The following COL6A6 variants were observed in gnomAD, a reference collection of about 807,000 sequenced individuals.
COL6A6 encodes the protein collagen alpha-6(VI) chain.
Under a neutral mutation model 208.6 loss-of-function variants are expected in COL6A6, and 183 were observed. That is an observed-to-expected ratio of 0.88 (90% CI 0.78 to 0.99). The LOEUF is 0.99. Ranked by LOEUF, COL6A6 falls within the 50% of genes least tolerant of loss-of-function variation. The pLI is 0.00. For synonymous variants in COL6A6, 973 were observed against 1,011.8 expected (o/e 0.96, Z 0.73); for missense variants, 2,816 against 2,815.2 (o/e 1.00, Z -0.01).
Position 130,649,573 on chromosome 3 carries a change from GA to G in COL6A6, c.5733+14del. On this transcript the variant is annotated intron_variant, in intron 33 of 36. Coordinates refer to ENST00000358511, the MANE Select transcript of COL6A6 (RefSeq NM_001102608.3). Reference sequence around the variant, plus strand: ...AGGCGCGCATTTGCGGTATGAGGATGAAACCTTTCACATGACAATTCTTACT... The same window carrying G: ...AGGCGCGCATTTGCGGTATGAGGATGAACCTTTCACATGACAATTCTTACT... The G allele has an allele frequency of 1.3e-6, 2 of 1,557,486 alleles. No homozygotes were observed. Among genetic ancestry groups the G allele is most frequent in the Non-Finnish European group, 1.7e-6 (2 of 1,151,790 alleles).
chr3:130,583,340 A>T (rs2063466211), intron 10 of COL6A6, among the ~76,000 whole-genome samples: 3 of 152,124 alleles, frequency 2.0e-5, no homozygotes, highest in Non-Finnish European at 1.5e-5. Context: ...AGACTGAAAA[A>T]AGATACTAGA....
In COL6A6 at chr3:130,567,163, G is replaced by T. The variant is rs574954880; in HGVS notation, c.1744G>T (p.Glu582Ter). 58 of 1,613,866 alleles carry T rather than the reference G, an allele frequency of 3.6e-5. No individual in the cohort carries two copies. The South Asian group carries it at 4.6e-4, about 13-fold the overall frequency. Reference sequence around the variant, plus strand: ...GGAGGCCAACCAAACACAGCTGAGAGAAATTGCAGGAGAGGAAAAGAGAGT... The same window carrying T: ...GGAGGCCAACCAAACACAGCTGAGATAAATTGCAGGAGAGGAAAAGAGAGT... ...IKEANQTQLR[E>*]IAGEEKRVYY... Residue 582 changes from glutamate to a stop codon, truncating the protein, a stop_gained, in exon 5 of 37, where the codon GAA (glutamate) becomes TAA (stop). Transcript: ENST00000358511. LOFTEE classifies it high-confidence loss of function.
rs1245145462 is a variant in COL6A6, at chr3:130,566,792, T to A, written c.1373T>A (p.Phe458Tyr). 6.2e-6 allele frequency: 10 copies of A among 1,614,028 alleles called. No individual in the cohort carries two copies. Among genetic ancestry groups the A allele is most frequent in the Non-Finnish European group, 8.5e-6 (10 of 1,179,902 alleles). The change falls in exon 5 of 37, where the codon TTC becomes TAC. Residue 458 changes from phenylalanine (F) to tyrosine (Y), a missense_variant. Phe to Tyr is a conservative substitution (Grantham distance 22, BLOSUM62 3). Coordinates refer to ENST00000358511, the MANE Select transcript of COL6A6 (RefSeq NM_001102608.3). ...QATDFHEMKT[F>Y]LSEVVGMFNI... ...ACAGATTTCCATGAAATGAAGACGT[T>A]CCTGTCAGAGGTGGTAGGGATGTTC...
chr3:130,554,276 G>T (rs1229717117), intron 1 of COL6A6, among the ~76,000 whole-genome samples: 1 of 152,254 alleles, frequency 6.6e-6, no homozygotes, highest in Non-Finnish European at 1.5e-5. Context: ...GGCAGCACAA[G>T]ATGGAGTGGG....
At chr3:130,669,145 A>G (rs988187797) in intron 36 of COL6A6, among the ~76,000 whole-genome samples, 5 of 152,230 alleles carry the variant, frequency 3.3e-5, no homozygotes, top group African/African-American at 9.6e-5. Flanking sequence ...CTCTAATCCC[A>G]GCACTCTGGG....
chr3:130,542,616 G>A (rs993095039), intron 1 of COL6A6, among the ~76,000 whole-genome samples: 1 of 152,108 alleles, frequency 6.6e-6, no homozygotes, highest in Non-Finnish European at 1.5e-5. Flanking sequence ...TTCTGATAGA[G>A]GGGTATTGAA....
At chr3:130,518,260 G>T (rs1021692146) in intron 1 of COL6A6, among the ~76,000 whole-genome samples, 1 of 152,078 alleles carries the variant, frequency 6.6e-6, no homozygotes, top group Non-Finnish European at 1.5e-5. Context: ...TAACACTTGT[G>T]GCAGGAAGGA....
intron 1 of COL6A6, among the ~76,000 whole-genome samples, chr3:130,536,885 C>A (rs1358893002): frequency 6.6e-6 from 1 of 152,170 alleles, no homozygotes; most frequent in Non-Finnish European, 1.5e-5. Flanking sequence ...AATTAGAAAG[C>A]TTTTGCTAGA....
Position 130,676,245 on chromosome 3 carries a change from T to C in COL6A6, c.*848T>C, listed in dbSNP as rs1367991179. 1 of 152,174 alleles carries C rather than the reference T, an allele frequency of 6.6e-6. No homozygotes were observed. The highest frequency in any genetic ancestry group is 2.4e-5 in the African/African-American group (1 of 41,438). The allele number at this position is 152,174 out of a possible 1,614,324, so 9.4% of individuals were successfully genotyped here. On this transcript the variant is annotated 3_prime_UTR_variant, in exon 37 of 37. Coordinates refer to ENST00000358511, the MANE Select transcript of COL6A6 (RefSeq NM_001102608.3). ...CATCAGGTAGCTGTTTAGTCAATAA[T>C]AAACAGCACCAAAACAGGATTAGCA... is the stretch of plus-strand genomic sequence containing the variant.
At chr3:130,641,367 GA>G (rs1430229018) in intron 28 of COL6A6, among the ~76,000 whole-genome samples, 1 of 152,126 alleles carries the variant, frequency 6.6e-6, no homozygotes, top group Non-Finnish European at 1.5e-5. Flanking sequence ...AGGTAACAGA[GA>G]AAAGTATGAT....
chr3:130,543,807 G>A (rs900781143), intron 1 of COL6A6, among the ~76,000 whole-genome samples: 11 of 148,792 alleles, frequency 7.4e-5, no homozygotes, highest in South Asian at 2.1e-4. Flanking sequence ...TGCTTTTTAT[G>A]TATGAGTTTC....
At chr3:130,564,170 G>T (rs988400180) in intron 3 of COL6A6, among the ~76,000 whole-genome samples, 10 of 152,210 alleles carry the variant, frequency 6.6e-5, no homozygotes, top group African/African-American at 2.4e-4. Context: ...GCCAGGCTGT[G>T]ACTTAAAGTC....
chr3:130,553,783 G>A (rs1253844049), intron 1 of COL6A6, among the ~76,000 whole-genome samples: 3 of 150,828 alleles, frequency 2.0e-5, no homozygotes, highest in Non-Finnish European at 2.9e-5. Context: ...TTTATGGGCT[G>A]ATGTTCTTTG....
At chr3:130,541,060 T>C (rs2062351105) in intron 1 of COL6A6, among the ~76,000 whole-genome samples, 1 of 152,164 alleles carries the variant, frequency 6.6e-6, no homozygotes, top group South Asian at 2.1e-4. Context: ...TTTCTGGTTG[T>C]AGGTCTTTGA....
chr3:130,543,806 TG>T (rs140497276), intron 1 of COL6A6, among the ~76,000 whole-genome samples: 1,644 of 152,342 alleles, frequency 0.011, 35 homozygotes, highest in African/African-American at 0.038. Context: ...ATGCTTTTTA[TG>T]TATGAGTTTC....
chr3:130,664,512 T>TCCCC (rs1416811008), intron 35 of COL6A6, among the ~76,000 whole-genome samples: 1 of 152,234 alleles, frequency 6.6e-6, no homozygotes, highest in Non-Finnish European at 1.5e-5. Context: ...GAGGCATGCT[T>TCCCC]CATTGTTATG....
At chr3:130,552,654 G>T (rs1341948737) in intron 1 of COL6A6, among the ~76,000 whole-genome samples, 4 of 152,132 alleles carry the variant, frequency 2.6e-5, no homozygotes, top group Non-Finnish European at 4.4e-5. Context: ...TTCAAGATTA[G>T]TATTCATATG....
In COL6A6 at chr3:130,574,265, G is replaced by A. The variant is rs749964918; in HGVS notation, c.3287G>A (p.Ser1096Asn). Reference protein sequence around the residue: ...VEHYFRPDMGSRINTGTPQVL... With the variant: ...VEHYFRPDMGNRINTGTPQVL... ...CATTACTTCAGGCCAGACATGGGCA[G>A]CAGGATAAATACAGGTACCCCACAG... is the stretch of plus-strand genomic sequence containing the variant. Residue 1096 changes from serine (S) to asparagine (N), a missense_variant, in exon 8 of 37, where the codon AGC becomes AAC. Coordinates refer to ENST00000358511, the MANE Select transcript of COL6A6 (RefSeq NM_001102608.3). 6 of 1,614,014 alleles carry A rather than the reference G, an allele frequency of 3.7e-6. No homozygotes were observed. The South Asian group carries it at 6.6e-5, about 18-fold the overall frequency.
rs113141285 is a variant in COL6A6, at chr3:130,517,338, G to A, written c.-91G>A. On this transcript the variant is annotated 5_prime_UTR_variant, in exon 1 of 37. Transcript: ENST00000358511. ...CCTGCCCGCGCAGTGCGCGTCCAGA[G>A]GAAATCCGCCCCGGGCTTTCGAAGT... is the stretch of plus-strand genomic sequence containing the variant. Among the ~76,000 whole-genome samples, 52 of 152,386 alleles carry A rather than the reference G, an allele frequency of 3.4e-4. No individual in the cohort carries two copies. Among genetic ancestry groups the A allele is most frequent in the African/African-American group, 1.2e-3 (48 of 41,598 alleles).
Sources: allele counts gnomAD v4.1 joint callset (sites outside exome capture counted in the v4.1 genomes callset), GRCh38; gene constraint gnomAD v4.1.1; transcripts MANE v1.5; gene names NCBI Gene and HGNC (gene_info 2026-07-23, HGNC 2026-07-21).